STRN: variants seen among roughly 807,000 people sequenced by gnomAD.
STRN encodes striatin.
In STRN, 53 loss-of-function variants were observed where a neutral mutation model predicts 96.3. The ratio of observed to expected loss-of-function variants is 0.55; its 90% CI spans 0.44 to 0.69. The LOEUF is 0.69. Ranked by LOEUF, STRN falls within the 30% of genes least tolerant of loss-of-function variation. STRN has a pLI of 0.00. For synonymous variants in STRN, 428 were observed against 355.9 expected, an observed-to-expected ratio of 1.20 and a Z score of -2.28; for missense variants, 987 against 963.9, an observed-to-expected ratio of 1.02 and a Z score of -0.32.
At chr2:36,902,940 C>T (rs573868658) in intron 4 of STRN, 189 bp from the exon 5 acceptor site, 1 of 376,664 alleles carries the variant, frequency 2.7e-6, no homozygotes, top group South Asian at 1.1e-4. Context: ...GTACCAGCCT[C>T]TACAGTCACT....
At position 36,882,239 on chromosome 2, in the gene STRN, G is replaced by A. The variant is rs184934566; in HGVS notation, c.1186+1693C>T. On this transcript the variant is annotated intron_variant, in intron 9 of 17. Transcript: ENST00000263918. ...TTATGCTGTGGCTTTTTCTCAGGCTGTGTTGATCAATAAATAATAATTTGA... is the reference window on the plus strand; with the variant it reads ...TTATGCTGTGGCTTTTTCTCAGGCTATGTTGATCAATAAATAATAATTTGA... 1.4e-3 allele frequency among the ~76,000 whole-genome samples: 220 copies of A among 152,018 alleles called. 1 individual carries two copies. The highest frequency in any genetic ancestry group is 3.7e-4 in the Non-Finnish European group (25 of 67,988).
intron 1 of STRN, among the ~76,000 whole-genome samples, chr2:36,929,275 T>C (rs1412418620): frequency 6.6e-6 from 1 of 152,228 alleles, no homozygotes. Context: ...AAAGGATATA[T>C]GTAAATAGGA....
chr2:36,920,981 A>G (rs1409387874), intron 2 of STRN, among the ~76,000 whole-genome samples: 3 of 151,944 alleles, frequency 2.0e-5, no homozygotes, highest in Non-Finnish European at 4.4e-5. Context: ...AGACTGAGGC[A>G]AGAGAATGGC....
intron 2 of STRN, among the ~76,000 whole-genome samples, chr2:36,921,464 T>C (rs1376810481): frequency 6.6e-6 from 1 of 152,200 alleles, no homozygotes; most frequent in Non-Finnish European, 1.5e-5. Context: ...TCACTCACAA[T>C]AATACTGATG....
chr2:36,958,859 G>A (rs936638148), intron 1 of STRN, among the ~76,000 whole-genome samples: 7 of 152,178 alleles, frequency 4.6e-5, no homozygotes, highest in Admixed American at 2.6e-4. Flanking sequence ...GGTAGCTCAC[G>A]CCTCTAATCC....
At chr2:36,860,080 T>C (rs1177884349) in intron 13 of STRN, among the ~76,000 whole-genome samples, 2 of 152,110 alleles carry the variant, frequency 1.3e-5, no homozygotes, top group Non-Finnish European at 2.9e-5. Context: ...TTGACCAGAA[T>C]GGAAGATACC....
intron 1 of STRN, among the ~76,000 whole-genome samples, chr2:36,925,803 G>A (rs1278967259): frequency 1.3e-5 from 2 of 152,084 alleles, no homozygotes; most frequent in African/African-American, 4.8e-5. Context: ...TAATATTAAT[G>A]CAAACAAATG....
intron 1 of STRN, among the ~76,000 whole-genome samples, chr2:36,930,448 T>C (rs1180398553): frequency 2.0e-5 from 3 of 148,072 alleles, no homozygotes; most frequent in Admixed American, 6.7e-5. Context: ...AAAAAAAAAG[T>C]GTCATTATCA....
chr2:36,958,972 A>C (rs958690480), intron 1 of STRN, among the ~76,000 whole-genome samples: 4 of 151,994 alleles, frequency 2.6e-5, no homozygotes, highest in Non-Finnish European at 5.9e-5. Context: ...AAAAATTAGC[A>C]GGGCATGGTG....
At chr2:36,853,775 A>C (rs757609859) in intron 15 of STRN, among the ~76,000 whole-genome samples, 1 of 152,234 alleles carries the variant, frequency 6.6e-6, no homozygotes, top group African/African-American at 2.4e-5. Flanking sequence ...AAACAGAACA[A>C]CACAATCAAT....
intron 3 of STRN, among the ~76,000 whole-genome samples, chr2:36,910,087 C>T (rs865991178): frequency 2.4e-4 from 36 of 150,934 alleles, no homozygotes; most frequent in African/African-American, 6.3e-4. Context: ...GCAGGAGAAT[C>T]GCTTGAACCT....
chr2:36,914,380 A>C (rs115949667), intron 3 of STRN, among the ~76,000 whole-genome samples: 35 of 152,362 alleles, frequency 2.3e-4, no homozygotes, highest in Non-Finnish European at 5.0e-4. Context: ...TTTAAATACA[A>C]CACTAATTAA....
chr2:36,897,455 T>TTTTA (rs1669572865), intron 6 of STRN, among the ~76,000 whole-genome samples: 1 of 151,668 alleles, frequency 6.6e-6, no homozygotes. Flanking sequence ...ATTTTTTTTT[T>TTTTA]GAGACAGTCT....
intron 10 of STRN, among the ~76,000 whole-genome samples, chr2:36,875,597 AAC>A: frequency 6.6e-6 from 1 of 151,836 alleles, no homozygotes; most frequent in East Asian, 1.9e-4. Context: ...AAATCAACTT[AAC>A]AGTGTTTTAA....
intron 1 of STRN, among the ~76,000 whole-genome samples, chr2:36,955,314 T>G (rs999521282): frequency 6.6e-6 from 1 of 152,110 alleles, no homozygotes; most frequent in African/African-American, 2.4e-5. Flanking sequence ...GGGGATGAGA[T>G]TACTTAAATT....
At chr2:36,944,995 T>TA (rs1670942439) in intron 1 of STRN, among the ~76,000 whole-genome samples, 1 of 152,170 alleles carries the variant, frequency 6.6e-6, no homozygotes, top group Non-Finnish European at 1.5e-5. Flanking sequence ...GTGCAGTACT[T>TA]AGTCAAATCA....
Position 36,849,612 on chromosome 2 carries a change from T to G in STRN, c.2187A>C (p.Ser729=), listed in dbSNP as rs1371095115. The G allele has an allele frequency of 2.5e-6, 4 of 1,613,974 alleles. No homozygotes were observed. The Admixed American group carries it at 5.0e-5, about 20-fold the overall frequency. ...LYLMSGSHDC[S]IRLWNLESKT... ...TACTTTCTAGATTCCATAAACGTAT[T>G]GAACAGTCATGACCTATATCCAAAA... The change falls in exon 18 of 18, where the codon TCA becomes TCC. Residue 729 remains serine, a synonymous_variant. Transcript: ENST00000263918.
intron 10 of STRN, among the ~76,000 whole-genome samples, chr2:36,870,477 T>G (rs1668735466): frequency 6.6e-6 from 1 of 152,130 alleles, no homozygotes; most frequent in Admixed American, 6.6e-5. Flanking sequence ...CATAAATACA[T>G]TTTGGTCAAC....
At chr2:36,966,110 TG>T in intron 1 of STRN, 119 bp downstream of exon 1, 1 of 1,065,452 alleles carries the variant, frequency 9.4e-7, no homozygotes, top group Non-Finnish European at 1.2e-6. Context: ...CCGGGTGGGA[TG>T]GGCGGCAGCA....
Sources: allele counts gnomAD v4.1 joint callset (sites outside exome capture counted in the v4.1 genomes callset), GRCh38; gene constraint gnomAD v4.1.1; transcripts MANE v1.5; gene names NCBI Gene and HGNC (gene_info 2026-07-23, HGNC 2026-07-21).